Variants in ADCY6 observed in about 807,000 individuals in gnomAD.
ADCY6 encodes the protein adenylate cyclase 6.
Under a neutral mutation model 111.6 loss-of-function variants are expected in ADCY6, and 59 were observed. The observed-to-expected ratio is 0.53, with a 90% CI of 0.43 to 0.66. The LOEUF (loss-of-function observed/expected upper bound fraction) is 0.66. Among genes scored for constraint, ADCY6 ranks in the 30% least tolerant of loss-of-function variants. The pLI is 0.00. For missense variants in ADCY6, 1,242 were observed against 1,595.6 expected, an observed-to-expected ratio of 0.78 and a Z score of 3.78; for synonymous variants, 576 against 642.9, an observed-to-expected ratio of 0.90 and a Z score of 1.57.
intron 1 of ADCY6, among the ~76,000 whole-genome samples, chr12:48,784,617 G>GGGTCCC (rs1440463201): frequency 2.0e-5 from 3 of 149,666 alleles, no homozygotes; most frequent in Non-Finnish European, 3.0e-5. Flanking sequence ...GGGTCCCAGT[G>GGGTCCC]GGTCCCGATC....
Position 48,770,838 on chromosome 12 carries a change from A to T in ADCY6, c.3184T>A (p.Tyr1062Asn). The T allele has an allele frequency of 4.3e-6, 7 of 1,614,248 alleles. No homozygotes were observed. Among genetic ancestry groups the T allele is most frequent in the Non-Finnish European group, 5.9e-6 (7 of 1,180,054 alleles). The change falls in exon 20 of 22, where the codon TAC becomes AAC. Residue 1062 changes from tyrosine to asparagine, a missense_variant. Physicochemically the swap from Tyr to Asn is moderately radical, Grantham distance 143. This residue lies in a region of ADCY6 where 245 missense variants were observed against 371.3 expected (regional missense o/e 0.66). Coordinates refer to ENST00000357869, the MANE Select transcript of ADCY6 (RefSeq NM_015270.5). ...GRSHITALAD[Y>N]AMRLMEQMKH... ...ATCTGCTCCATGAGCCGCATGGCGT[A>T]GTCAGCCAGGGCAGTGATGTGGGAG...
Position 48,768,228 on chromosome 12 carries a change from G to A in ADCY6, c.*363C>T, listed in dbSNP as rs765487255. The A allele has an allele frequency of 1.1e-5, 4 of 354,442 alleles. No individual in the cohort carries two copies. Among genetic ancestry groups the A allele is most frequent in the Non-Finnish European group, 1.6e-5 (3 of 187,324 alleles). 22.0% of individuals were successfully genotyped at this position (354,442 alleles called of 1,614,324 possible). ...AGAAGGGCTCAGCCCTGAACCTGCTGCCCAGACAGACAGGGAAGGGTAGGC... is the reference window on the plus strand; with the variant it reads ...AGAAGGGCTCAGCCCTGAACCTGCTACCCAGACAGACAGGGAAGGGTAGGC... On this transcript the variant is annotated 3_prime_UTR_variant, in exon 22 of 22. Transcript: ENST00000357869.
Position 48,777,234 on chromosome 12 carries a change from G to A in ADCY6, c.1249-3C>T, listed in dbSNP as rs547501940. The A allele has an allele frequency of 5.0e-6, 8 of 1,611,862 alleles. No homozygotes were observed. In the Admixed American group the frequency reaches 1.2e-4, roughly 24 times the overall value. ...TTGATCCTCAGGCAGTGATTCTCCT[G>A]AATGGGAAGGAATTGGAGGGAAGGG... is the stretch of plus-strand genomic sequence containing the variant. On this transcript the variant is annotated splice_region_variant and splice_polypyrimidine_tract_variant and intron_variant, in intron 5 of 21. Transcript: ENST00000357869. The surrounding 1 kb of genome is among the most constrained non-coding windows in gnomAD (Gnocchi z 4.9).
chr12:48,774,433 A>C lies in ADCY6; in HGVS notation c.2252T>G (p.Leu751Arg), dbSNP rs1280089731. The C allele has an allele frequency of 3.1e-6, 5 of 1,613,996 alleles. No individual in the cohort carries two copies. Among genetic ancestry groups the C allele is most frequent in the Non-Finnish European group, 4.2e-6 (5 of 1,179,968 alleles). Residue 751 changes from leucine to arginine, a missense_variant, in exon 14 of 22, where the codon CTG becomes CGG. Coordinates refer to ENST00000357869, the MANE Select transcript of ADCY6 (RefSeq NM_015270.5). ...HSTAVGIFSV[L>R]LVFTSAIANM... ...GGCAATGGCAGAAGTAAACACAAGC[A>C]GGACGGAAAAGATGCCAACTGCGGT...
At position 48,777,821 on chromosome 12, in the gene ADCY6, C is replaced by T. The variant is rs1422968776; in HGVS notation, c.1015-85G>A. ...CTGGTCTCTCCACATCGCCAGAGCC[C>T]TCCTAGACTTCTCTGAAGACCTGAC... is the stretch of plus-strand genomic sequence containing the variant. On this transcript the variant is annotated intron_variant, in intron 3 of 21. Transcript: ENST00000357869. This position sits in a 1 kb window ranked among gnomAD's most constrained non-coding sequence, Gnocchi z 4.9. 1.3e-5 allele frequency: 20 copies of T among 1,560,870 alleles called. No homozygotes were observed. The highest frequency in any genetic ancestry group is 1.5e-5 in the Non-Finnish European group (17 of 1,153,930).
intron 1 of ADCY6, among the ~76,000 whole-genome samples, chr12:48,787,413 C>T (rs115425577): frequency 6.6e-6 from 1 of 152,174 alleles, no homozygotes; most frequent in East Asian, 1.9e-4. Flanking sequence ...CACTCTGACC[C>T]CCCCCAAGGG....
rs1254869360 is a variant in ADCY6 at position 48,768,684 on chromosome 12, G to A, written c.3414C>T (p.Ala1138=). 9 of 1,614,168 alleles carry A rather than the reference G, an allele frequency of 5.6e-6. No homozygotes were observed. In the South Asian group the frequency reaches 7.7e-5, roughly 14 times the overall value. The change falls in exon 22 of 22, where the codon GCC becomes GCT. Residue 1138 remains alanine, a synonymous_variant. Coordinates refer to ENST00000357869, the MANE Select transcript of ADCY6 (RefSeq NM_015270.5). The part of the protein sequence containing the change: ...VTTDLYQVLA[A]KGYQLECRGV... Reference sequence around the variant, plus strand: ...CTCGACACTCCAGCTGGTAGCCCTTGGCAGCTAGAACCTGGTACAGGTCCG... The same window carrying A: ...CTCGACACTCCAGCTGGTAGCCCTTAGCAGCTAGAACCTGGTACAGGTCCG...
At chr12:48,773,838 G>A (rs1941620091) in intron 15 of ADCY6, 102 bp downstream of exon 15, 2 of 1,503,510 alleles carry the variant, frequency 1.3e-6, no homozygotes, top group Non-Finnish European at 1.8e-6. Flanking sequence ...GGGAGACTCT[G>A]GTGAGTTCCT....
intron 1 of ADCY6, 39 bp from the exon 2 acceptor site, chr12:48,783,477 A>T: frequency 6.2e-7 from 1 of 1,613,240 alleles, no homozygotes. Flanking sequence ...GAGACCATCC[A>T]GTAGGAGTGG....
chr12:48,769,145 G>T (rs888458128), intron 20 of ADCY6, 84 bp from the exon 21 acceptor site: 1 of 1,358,422 alleles, frequency 7.4e-7, no homozygotes, highest in Non-Finnish European at 9.7e-7. Context: ...ACTGGTAGAA[G>T]GACCCAGAGA....
At chr12:48,778,465 A>G in intron 2 of ADCY6, 1 of 581,550 alleles carries the variant, frequency 1.7e-6, no homozygotes, top group African/African-American at 1.9e-5. Flanking sequence ...TGAATCCTCC[A>G]TGACTAGAAA....
At chr12:48,784,664 A>AGTT (rs1941942313) in intron 1 of ADCY6, among the ~76,000 whole-genome samples, 4 of 84,214 alleles carry the variant, frequency 4.7e-5, no homozygotes, top group African/African-American at 2.1e-4. Flanking sequence ...AAAAATCTGG[A>AGTT]GTTTTTTTTT....
intron 21 of ADCY6, 94 bp from the exon 22 acceptor site, chr12:48,768,810 C>T: frequency 6.4e-7 from 1 of 1,559,624 alleles, no homozygotes; most frequent in Admixed American, 1.8e-5. Context: ...AGCTCCCTTC[C>T]CCCAGTCCCT....
Position 48,776,373 on chromosome 12 carries a change from G to A in ADCY6, c.1536-23C>T. 1 of 1,614,096 alleles carries A rather than the reference G, an allele frequency of 6.2e-7. No individual in the cohort carries two copies. Among genetic ancestry groups the A allele is most frequent in the Non-Finnish European group, 8.5e-7 (1 of 1,179,966 alleles). ...CGGCTGTATGTGGCCAAGAGGGTGAGACCCTGGCTCTCCCACCTTGCCCCC... is the reference window on the plus strand; with the variant it reads ...CGGCTGTATGTGGCCAAGAGGGTGAAACCCTGGCTCTCCCACCTTGCCCCC... On this transcript the variant is annotated intron_variant, in intron 7 of 21. Coordinates refer to ENST00000357869, the MANE Select transcript of ADCY6 (RefSeq NM_015270.5). The surrounding 1 kb of genome is among the most constrained non-coding windows in gnomAD (Gnocchi z 6.1).
chr12:48,770,928 T>C lies in ADCY6; in HGVS notation c.3094A>G (p.Thr1032Ala), dbSNP rs1254599427. 6.2e-7 allele frequency: 1 copy of C among 1,614,030 alleles called. No homozygotes were observed. Among genetic ancestry groups the C allele is most frequent in the Non-Finnish European group, 8.5e-7 (1 of 1,180,052 alleles). The change falls in exon 20 of 22, where the codon ACG becomes GCG. Residue 1032 changes from threonine (T) to alanine (A), a missense_variant. Transcript: ENST00000357869. ...ERFRQLEKIK[T>A]IGSTYMAASG... ...GCAGCCATGTAGGTGCTACCAATCG[T>C]CTTGATCTTTTCCAGCTGCCGGAAC...
Position 48,777,825 on chromosome 12 carries a change from T to C in ADCY6, c.1015-89A>G. 1 of 1,555,656 alleles carries C rather than the reference T, an allele frequency of 6.4e-7. No homozygotes were observed. Among genetic ancestry groups the C allele is most frequent in the Non-Finnish European group, 8.7e-7 (1 of 1,151,142 alleles). The stretch of plus-strand genomic sequence containing the variant: ...TCTCTCCACATCGCCAGAGCCCTCC[T>C]AGACTTCTCTGAAGACCTGACCTTC... On this transcript the variant is annotated intron_variant, in intron 3 of 21. Transcript: ENST00000357869. The surrounding 1 kb of genome is among the most constrained non-coding windows in gnomAD (Gnocchi z 4.9).
Position 48,782,758 on chromosome 12 carries a change from C to T in ADCY6, c.677G>A (p.Gly226Asp), listed in dbSNP as rs1030514454. The change falls in exon 2 of 22, where the codon GGC becomes GAC. Residue 226 changes from glycine to aspartate, a missense_variant. Physicochemically the swap from Gly to Asp is moderately conservative, Grantham distance 94. Coordinates refer to ENST00000357869, the MANE Select transcript of ADCY6 (RefSeq NM_015270.5). This position sits in a 1 kb window ranked among gnomAD's most constrained non-coding sequence, Gnocchi z 4.3. Reference protein sequence around the residue: ...LGILAAVQVGGALAADPRSPS... With the variant: ...LGILAAVQVGDALAADPRSPS... ...GCTGCGCGGGTCTGCTGCGAGAGCG[C>T]CCCCGACCTGCACTGCCGCCAGGAT... The T allele has an allele frequency of 6.2e-7, 1 of 1,609,872 alleles. No individual in the cohort carries two copies. The highest frequency in any genetic ancestry group is 8.5e-7 in the Non-Finnish European group (1 of 1,178,138).
In ADCY6 at chr12:48,776,645, C is replaced by T; in HGVS notation, c.1377-59G>A. The stretch of plus-strand genomic sequence containing the variant: ...AGTCTTCCCCTCCCCCAGCCCACAA[C>T]CCAGGCCCTTCACTCCTCTCAGGGC... On this transcript the variant is annotated intron_variant, in intron 6 of 21. Coordinates refer to ENST00000357869, the MANE Select transcript of ADCY6 (RefSeq NM_015270.5). The surrounding 1 kb of genome is among the most constrained non-coding windows in gnomAD (Gnocchi z 6.1). 5.1e-6 allele frequency: 8 copies of T among 1,554,802 alleles called. No individual in the cohort carries two copies. Among genetic ancestry groups the T allele is most frequent in the Non-Finnish European group, 6.9e-6 (8 of 1,154,926 alleles).
intron 14 of ADCY6, 69 bp downstream of exon 14, chr12:48,774,333 T>G: frequency 6.9e-7 from 1 of 1,446,176 alleles, no homozygotes; most frequent in Non-Finnish European, 9.7e-7. Context: ...TTTTCTCCGC[T>G]GTACTCCCAG....
Sources: gnomAD v4.1 joint callset for allele counts (sites outside exome capture counted in the v4.1 genomes callset) on GRCh38, gnomAD v4.1.1 for gene constraint, gnomAD v4.1.1 regional missense constraint, Gnocchi (gnomAD v3.1) non-coding constraint, MANE v1.5 for transcripts, NCBI Gene and HGNC (gene_info 2026-07-23, HGNC 2026-07-21) for gene names.